Variants in TMCO6 observed in about 807,000 individuals in gnomAD.
TMCO6 encodes the protein transmembrane and coiled-coil domain-containing protein 6.
A neutral mutation model predicts 61.8 loss-of-function variants in TMCO6; 47 were observed. The observed-to-expected ratio is 0.76, with a 90% confidence interval of 0.60 to 0.97. The LOEUF (loss-of-function observed/expected upper bound fraction) is 0.97. TMCO6 is among the 50% of genes least tolerant of loss of function. The pLI is 0.00. For synonymous variants in TMCO6, 261 were observed against 254.2 expected (o/e 1.03, Z -0.25); for missense variants, 557 against 601.6 (o/e 0.93, Z 0.78).
At chr5:140,618,158 C>T in the TMCO6 span, among the ~76,000 whole-genome samples, 3 of 152,100 alleles carry the variant, frequency 2.0e-5, no homozygotes, top group African/African-American at 7.2e-5. Context: ...GGGCCGCACG[C>T]GGTGGCTCAC....
chr5:140,647,225 G>A, downstream of TMCO6: 1 of 1,522,110 alleles, frequency 6.6e-7, no homozygotes. Context: ...TCCCCTACCG[G>A]AGCCCCAGAC....
Position 140,639,485 on chromosome 5 carries a change from T to G in TMCO6, c.-43T>G. On this transcript the variant is annotated 5_prime_UTR_variant, in exon 1 of 12. Transcript: ENST00000394671. ...GCCATCTTCTACGCCCCTGGGAGCG[T>G]TGTGGCTGCTGTTTCCTTCGGCTTT... 1 of 1,535,152 alleles carries G rather than the reference T, an allele frequency of 6.5e-7. No homozygotes were observed. Among genetic ancestry groups the G allele is most frequent in the Non-Finnish European group, 8.8e-7 (1 of 1,134,384 alleles).
intron 6 of TMCO6, 92 bp downstream of exon 6, chr5:140,642,763 C>T: frequency 3.8e-6 from 6 of 1,579,626 alleles, no homozygotes; most frequent in Non-Finnish European, 4.3e-6. Context: ...AGCTGTTGCA[C>T]ATTTTAAATT....
At chr5:140,597,927 C>G in the TMCO6 span, among the ~76,000 whole-genome samples, 3 of 152,148 alleles carry the variant, frequency 2.0e-5, no homozygotes, top group Non-Finnish European at 2.9e-5. Context: ...CTTCTGGCAC[C>G]TGCAGATGTA....
the TMCO6 span, among the ~76,000 whole-genome samples, chr5:140,603,630 G>T: frequency 6.6e-6 from 1 of 151,920 alleles, no homozygotes; most frequent in African/African-American, 2.4e-5. Context: ...CTTTTACTTA[G>T]CATTAGTTTA....
At chr5:140,637,930 T>G (rs1401807807), upstream of TMCO6, among the ~76,000 whole-genome samples, 2 of 151,564 alleles carry the variant, frequency 1.3e-5, no homozygotes, top group African/African-American at 4.9e-5. Flanking sequence ...CTCCCCTCTC[T>G]TCCCTTCCTC....
At position 140,642,605 on chromosome 5, in the gene TMCO6, T is replaced by C; in HGVS notation, c.623T>C (p.Leu208Pro). ...ACIQSPHVAV[L>P]EALGYALSQL... ...TTCCAGTCCCCCCATGTGGCTGTGC[T>C]GGAAGCTCTCGGATATGCCTTGTCC... is the stretch of plus-strand genomic sequence containing the variant. The change falls in exon 6 of 12, where the codon CTG becomes CCG. Residue 208 changes from leucine (L) to proline (P), a missense_variant. Coordinates refer to ENST00000394671, the MANE Select transcript of TMCO6 (RefSeq NM_018502.5). 1 of 1,614,236 alleles carries C rather than the reference T, an allele frequency of 6.2e-7. No homozygotes were observed.
At chr5:140,615,057 A>G in the TMCO6 span, among the ~76,000 whole-genome samples, 1 of 152,228 alleles carries the variant, frequency 6.6e-6, no homozygotes, top group African/African-American at 2.4e-5. Context: ...AAAACCCTAA[A>G]AATTCCAAAA....
At position 140,645,269 on chromosome 5, in the gene TMCO6, A is replaced by C. The variant is rs1351872308; in HGVS notation, c.*171A>C. On this transcript the variant is annotated 3_prime_UTR_variant, in exon 12 of 12. Coordinates refer to ENST00000394671, the MANE Select transcript of TMCO6 (RefSeq NM_018502.5). ...CCCTTCCACTCAGCACTATCCAGGC[A>C]GGAGGACCAAAAGGGACTCAGTGTG... is the stretch of plus-strand genomic sequence containing the variant. 3 of 739,742 alleles carry C rather than the reference A, an allele frequency of 4.1e-6. No homozygotes were observed. The highest frequency in any genetic ancestry group is 4.5e-6 in the Non-Finnish European group (2 of 441,254). The allele number at this position is 739,742 out of a possible 1,614,324, so 45.8% of individuals were successfully genotyped here.
At chr5:140,605,692 AAC>A in the TMCO6 span, among the ~76,000 whole-genome samples, 7,493 of 118,514 alleles carry the variant, frequency 0.063, 233 homozygotes, top group East Asian at 0.18. Flanking sequence ...AAAAAAACAA[AAC>A]ACACACACAC....
At chr5:140,602,345 G>A in the TMCO6 span, among the ~76,000 whole-genome samples, 1 of 152,112 alleles carries the variant, frequency 6.6e-6, no homozygotes, top group Non-Finnish European at 1.5e-5. Context: ...GCATTTGCTA[G>A]GCCTCAACAC....
chr5:140,643,588 T>C lies in TMCO6; in HGVS notation c.831T>C (p.Ile277=). The change falls in exon 8 of 12, where the codon ATT becomes ATC. Residue 277 remains isoleucine (I), a synonymous_variant. Coordinates refer to ENST00000394671, the MANE Select transcript of TMCO6 (RefSeq NM_018502.5). The stretch of plus-strand genomic sequence containing the variant: ...GCCAGGTCAGCAATCCTCTGCTCAT[T>C]GGCCATGGGGCTCTGTCTACTCTGG... ...ICSQVSNPLL[I]GHGALSTLGL... The C allele has an allele frequency of 6.2e-7, 1 of 1,614,150 alleles. No individual in the cohort carries two copies. Among genetic ancestry groups the C allele is most frequent in the Non-Finnish European group, 8.5e-7 (1 of 1,180,024 alleles).
chr5:140,614,931 G>A, the TMCO6 span, among the ~76,000 whole-genome samples: 8 of 152,088 alleles, frequency 5.3e-5, no homozygotes, highest in African/African-American at 1.7e-4. Context: ...TTTTAACATA[G>A]CACTGTAAGT....
the TMCO6 span, among the ~76,000 whole-genome samples, chr5:140,604,211 T>G: frequency 6.6e-6 from 1 of 151,966 alleles, no homozygotes; most frequent in Non-Finnish European, 1.5e-5. Context: ...CTGGGCAACA[T>G]AGCTACACCT....
At position 140,641,713 on chromosome 5, in the gene TMCO6, A is replaced by G. The variant is rs965765145; in HGVS notation, c.247A>G (p.Arg83Gly). The G allele has an allele frequency of 3.7e-6, 6 of 1,614,036 alleles. No individual in the cohort carries two copies. The African/African-American group carries it at 5.3e-5, about 14-fold the overall frequency. Reference protein sequence around the residue: ...QAQRGTEEKEREGALVSLRRG... With the variant: ...QAQRGTEEKEGEGALVSLRRG... ...CCAGCGGGGGACAGAGGAAAAGGAGAGAGAGGGGGCTCTGGTCAGCCTTCG... is the reference window on the plus strand; with the variant it reads ...CCAGCGGGGGACAGAGGAAAAGGAGGGAGAGGGGGCTCTGGTCAGCCTTCG... The change falls in exon 3 of 12, where the codon AGA (arginine) becomes GGA (glycine). Residue 83 changes from arginine to glycine, a missense_variant. Coordinates refer to ENST00000394671, the MANE Select transcript of TMCO6 (RefSeq NM_018502.5).
the TMCO6 span, among the ~76,000 whole-genome samples, chr5:140,613,386 TAAAAAAAAAAA>T: frequency 4.6e-5 from 4 of 87,442 alleles, no homozygotes; most frequent in African/African-American, 5.2e-5. Context: ...AGACTCTGAC[TAAAAAAAAAAA>T]AAAAAAAAAA....
chr5:140,617,248 A>T, the TMCO6 span, among the ~76,000 whole-genome samples: 2 of 151,670 alleles, frequency 1.3e-5, no homozygotes, highest in Non-Finnish European at 2.9e-5. Flanking sequence ...CAACATGGTG[A>T]AACCCCGTCT....
chr5:140,639,909 G>A (rs1756910417), intron 2 of TMCO6, 58 bp downstream of exon 2: 3 of 1,463,150 alleles, frequency 2.1e-6, no homozygotes, highest in Non-Finnish European at 2.8e-6. Flanking sequence ...AGACTCCCGG[G>A]AGTACTCGAG....
chr5:140,597,257 ACATTTGGCTAT>A, the TMCO6 span, among the ~76,000 whole-genome samples: 3 of 152,238 alleles, frequency 2.0e-5, no homozygotes, highest in African/African-American at 7.2e-5. Context: ...ATTTTGCAAT[ACATTTGGCTAT>A]CAGTTTCAGT....
Sources: gnomAD v4.1 joint callset for allele counts (sites outside exome capture counted in the v4.1 genomes callset) on GRCh38, gnomAD v4.1.1 for gene constraint, MANE v1.5 for transcripts, NCBI Gene and HGNC (gene_info 2026-07-23, HGNC 2026-07-21) for gene names.